Variants in RAP1GAP observed in about 807,000 individuals in gnomAD.
RAP1GAP encodes RAP1 GTPase activating protein, also known as rap1 GTPase-activating protein 1.
Under a neutral mutation model 87.2 loss-of-function variants are expected in RAP1GAP, and 35 were observed. That is an observed-to-expected ratio of 0.40 (90% CI 0.31 to 0.53). RAP1GAP has a LOEUF of 0.53. Among genes scored for constraint, RAP1GAP ranks in the 20% least tolerant of loss-of-function variants. The pLI is 0.48. For synonymous variants in RAP1GAP, 375 were observed against 363.9 expected, an observed-to-expected ratio of 1.03 and a Z score of -0.35; for missense variants, 734 against 898.9, an observed-to-expected ratio of 0.82 and a Z score of 2.35.
At chr1:21,618,665 T>C (rs1394079157) in intron 5 of RAP1GAP, among the ~76,000 whole-genome samples, 1 of 152,150 alleles carries the variant, frequency 6.6e-6, no homozygotes, top group Non-Finnish European at 1.5e-5. Flanking sequence ...TGGTCATCAC[T>C]GGTTTCAGGG....
chr1:21,652,505 C>T (rs1018270452), intron 1 of RAP1GAP, among the ~76,000 whole-genome samples: 1 of 152,112 alleles, frequency 6.6e-6, no homozygotes, highest in East Asian at 1.9e-4. Context: ...CCTCCTTGCC[C>T]ACCTGTCTCC....
rs74391875 is a variant in RAP1GAP at position 21,620,949 on chromosome 1, A to G, written c.-18-899T>C. Among the ~76,000 whole-genome samples the G allele has an allele frequency of 1.2e-4, 18 of 152,298 alleles. No individual in the cohort carries two copies. In the East Asian group the frequency reaches 3.5e-3, roughly 29 times the overall value. On this transcript the variant is annotated intron_variant, in intron 3 of 24. Transcript: ENST00000374765. ...TTTAAAGTCCCACTGCACCACGTAT[A>G]TGTTTCGTGTACCAAGAAAACAACA... is the stretch of plus-strand genomic sequence containing the variant.
At chr1:21,618,979 C>A (rs2084438947) in intron 5 of RAP1GAP, 46 bp downstream of exon 5, 1 of 1,549,622 alleles carries the variant, frequency 6.5e-7, no homozygotes, top group Non-Finnish European at 8.8e-7. Flanking sequence ...CTTCCCGGAC[C>A]CCCTCCACCC....
Position 21,613,900 on chromosome 1 carries a change from G to T in RAP1GAP, c.395+86C>A. 7.8e-7 allele frequency: 1 copy of T among 1,283,480 alleles called. No homozygotes were observed. The allele number at this position is 1,283,480 out of a possible 1,614,324, so 79.5% of individuals were successfully genotyped here. On this transcript the variant is annotated intron_variant, in intron 8 of 24. Coordinates refer to ENST00000374765, the MANE Select transcript of RAP1GAP (RefSeq NM_002885.4). This position sits in a 1 kb window ranked among gnomAD's most constrained non-coding sequence, Gnocchi z 4.7. ...TCCCTGCCCCTCTATGGGCCTTGATGAAGAGAGTGGGTCAAATGAGATGGG... is the reference window on the plus strand; with the variant it reads ...TCCCTGCCCCTCTATGGGCCTTGATTAAGAGAGTGGGTCAAATGAGATGGG...
chr1:21,619,931 G>A, intron 4 of RAP1GAP, 84 bp downstream of exon 4: 1 of 1,440,860 alleles, frequency 6.9e-7, no homozygotes, highest in Non-Finnish European at 9.7e-7. Context: ...GGGAGGTGAA[G>A]GGCTGGAGAT....
At chr1:21,617,218 T>C in intron 7 of RAP1GAP, 88 bp downstream of exon 7, 1 of 1,427,994 alleles carries the variant, frequency 7.0e-7, no homozygotes, top group Non-Finnish European at 9.5e-7. Context: ...CCCTGGCCCA[T>C]GGGTTCTGCT....
At chr1:21,619,959 GCCCCAGC>G in intron 4 of RAP1GAP, 49 bp downstream of exon 4, 1 of 1,595,258 alleles carries the variant, frequency 6.3e-7, no homozygotes, top group South Asian at 1.1e-5. Context: ...GGGCCCCCCA[GCCCCAGC>G]CCAGCCAGCT....
At chr1:21,644,176 T>C (rs984618327) in intron 2 of RAP1GAP, among the ~76,000 whole-genome samples, 14 of 152,290 alleles carry the variant, frequency 9.2e-5, no homozygotes, top group Admixed American at 5.2e-4. Context: ...GCAGGGCGTC[T>C]CTCTGGCACT....
intron 2 of RAP1GAP, among the ~76,000 whole-genome samples, chr1:21,647,021 T>A (rs2096119682): frequency 6.6e-6 from 1 of 152,112 alleles, no homozygotes; most frequent in Admixed American, 6.5e-5. Flanking sequence ...TCACCTCCTC[T>A]AGGAAGCCTT....
intron 2 of RAP1GAP, among the ~76,000 whole-genome samples, chr1:21,633,520 G>A (rs537069407): frequency 8.5e-5 from 13 of 152,282 alleles, no homozygotes; most frequent in African/African-American, 3.1e-4. Flanking sequence ...AAGAAGGCTG[G>A]GACCGGGAGC....
chr1:21,657,975 G>A (rs1012161531), intron 1 of RAP1GAP, among the ~76,000 whole-genome samples: 1 of 152,168 alleles, frequency 6.6e-6, no homozygotes, highest in East Asian at 1.9e-4. Flanking sequence ...CCCCCCAGAG[G>A]GCGCCAGGGT....
chr1:21,630,489 C>G (rs1243890145), intron 2 of RAP1GAP, among the ~76,000 whole-genome samples: 1 of 151,918 alleles, frequency 6.6e-6, no homozygotes, highest in Non-Finnish European at 1.5e-5. Flanking sequence ...CTTCCGGGCT[C>G]AAGAGATCCT....
chr1:21,627,092 C>A, intron 2 of RAP1GAP: 1 of 429,368 alleles, frequency 2.3e-6, no homozygotes, highest in South Asian at 1.7e-5. Flanking sequence ...AGGGTGAAGT[C>A]AGCTCCTATC....
chr1:21,605,519 T>C (rs932040136), intron 18 of RAP1GAP, among the ~76,000 whole-genome samples: 1 of 151,006 alleles, frequency 6.6e-6, no homozygotes, highest in East Asian at 2.0e-4. Flanking sequence ...GCTCACAGAG[T>C]TGATGCCCAC....
chr1:21,653,513 G>C (rs1021519499), intron 1 of RAP1GAP, among the ~76,000 whole-genome samples: 2 of 151,908 alleles, frequency 1.3e-5, no homozygotes, highest in African/African-American at 4.8e-5. Flanking sequence ...TGGGTCCTGA[G>C]AGCACTGAAG....
chr1:21,605,516 G>C (rs1464603442), intron 18 of RAP1GAP, among the ~76,000 whole-genome samples: 2 of 152,114 alleles, frequency 1.3e-5, no homozygotes, highest in Non-Finnish European at 2.9e-5. Flanking sequence ...GGCGCTCACA[G>C]AGTTGATGCC....
chr1:21,652,155 A>G (rs75141928), intron 1 of RAP1GAP, among the ~76,000 whole-genome samples: 55,628 of 121,182 alleles, frequency 0.46, 10,872 homozygotes, highest in East Asian at 0.63. Flanking sequence ...CCTCTGTTGG[A>G]GGGACGCCCT....
intron 20 of RAP1GAP, among the ~76,000 whole-genome samples, chr1:21,600,956 AC>A (rs1379154209): frequency 5.6e-5 from 8 of 142,784 alleles, no homozygotes; most frequent in African/African-American, 2.1e-4. Flanking sequence ...CACCTCTCCA[AC>A]CTCCTTCCCG....
chr1:21,636,732 G>A (rs570889031), intron 2 of RAP1GAP, among the ~76,000 whole-genome samples: 3 of 151,836 alleles, frequency 2.0e-5, no homozygotes, highest in African/African-American at 4.8e-5. Flanking sequence ...ACTTGAACCC[G>A]GGAGATGGAG....
Sources: gnomAD v4.1 joint callset for allele counts (sites outside exome capture counted in the v4.1 genomes callset) on GRCh38, gnomAD v4.1.1 for gene constraint, Gnocchi (gnomAD v3.1) non-coding constraint, MANE v1.5 for transcripts, NCBI Gene and HGNC (gene_info 2026-07-23, HGNC 2026-07-21) for gene names.